The following GPC6 variants were observed in gnomAD, a reference collection of about 807,000 sequenced individuals.
The protein encoded by GPC6 is glypican 6.
A neutral mutation model predicts 55.2 loss-of-function variants in GPC6; 14 were observed. The ratio of observed to expected loss-of-function variants is 0.25; its 90% CI spans 0.17 to 0.40. GPC6 has a LOEUF of 0.40. Ranked by LOEUF, GPC6 falls within the 10% of genes least tolerant of loss-of-function variation. GPC6 has a pLI of 1.00. For synonymous variants in GPC6, 278 were observed against 259.6 expected, an observed-to-expected ratio of 1.07 and a Z score of -0.68; for missense variants, 641 against 708.5, an observed-to-expected ratio of 0.90 and a Z score of 1.08.
intron 2 of GPC6, among the ~76,000 whole-genome samples, chr13:93,730,188 A>G (rs2138835192): frequency 6.6e-6 from 1 of 152,252 alleles, no homozygotes; most frequent in Middle Eastern, 3.4e-3. Context: ...TACAGAGCTC[A>G]CATCAACTTT....
At chr13:94,372,797 C>A (rs541775195) in intron 6 of GPC6, among the ~76,000 whole-genome samples, 15 of 152,298 alleles carry the variant, frequency 9.8e-5, no homozygotes, top group African/African-American at 2.4e-4. Context: ...GTAACCTCTG[C>A]AGACTTAAAT....
At chr13:93,339,133 G>A (rs1021975014) in intron 1 of GPC6, among the ~76,000 whole-genome samples, 1 of 152,148 alleles carries the variant, frequency 6.6e-6, no homozygotes, top group East Asian at 1.9e-4. Context: ...ACCTAGCAGA[G>A]TGACTCATTA....
intron 1 of GPC6, among the ~76,000 whole-genome samples, chr13:93,354,827 T>G (rs1405889098): frequency 6.6e-6 from 1 of 152,118 alleles, no homozygotes; most frequent in Non-Finnish European, 1.5e-5. Flanking sequence ...CCACTTCAAG[T>G]GGGACAAAGA....
intron 3 of GPC6, among the ~76,000 whole-genome samples, chr13:93,891,716 G>A (rs1275920995): frequency 1.3e-5 from 2 of 151,896 alleles, no homozygotes; most frequent in African/African-American, 2.4e-5. Flanking sequence ...GTGTATGTGT[G>A]CATACAGTGT....
intron 3 of GPC6, among the ~76,000 whole-genome samples, chr13:93,972,763 C>T (rs9524294): frequency 6.6e-6 from 1 of 152,016 alleles, no homozygotes; most frequent in Non-Finnish European, 1.5e-5. Context: ...TAGGCCCCTT[C>T]ACCCCAATGA....
At chr13:94,209,848 AATTT>A (rs1001832463) in intron 4 of GPC6, among the ~76,000 whole-genome samples, 23 of 151,730 alleles carry the variant, frequency 1.5e-4, no homozygotes, top group African/African-American at 3.9e-4. Flanking sequence ...TTAATTAATT[AATTT>A]ATTTATTTAC....
intron 1 of GPC6, among the ~76,000 whole-genome samples, chr13:93,367,721 C>T (rs1881300403): frequency 6.6e-6 from 1 of 151,996 alleles, no homozygotes. Context: ...TGCTTAGTTT[C>T]CAGGTGTTGG....
chr13:93,221,054 T>C, the GPC6 span, among the ~76,000 whole-genome samples: 12 of 152,028 alleles, frequency 7.9e-5, no homozygotes, highest in African/African-American at 2.7e-4. Context: ...AGCTAATTTT[T>C]GTGTATTTTG....
Position 93,498,988 on chromosome 13 carries a change from A to G in GPC6, c.161-46275A>G, listed in dbSNP as rs969912703. 7.2e-5 allele frequency among the ~76,000 whole-genome samples: 11 copies of G among 152,118 alleles called. No individual in the cohort carries two copies. In the East Asian group the frequency reaches 1.2e-3, roughly 16 times the overall value. Reference sequence around the variant, plus strand: ...AGCCTTGTGTTTTAATTTTATTTCTATGAATTCATTTGTGTATTCATTCAG... The same window carrying G: ...AGCCTTGTGTTTTAATTTTATTTCTGTGAATTCATTTGTGTATTCATTCAG... On this transcript the variant is annotated intron_variant, in intron 1 of 8. Coordinates refer to ENST00000377047, the MANE Select transcript of GPC6 (RefSeq NM_005708.5).
intron 6 of GPC6, among the ~76,000 whole-genome samples, chr13:94,352,382 G>T (rs2139169959): frequency 6.6e-6 from 1 of 151,484 alleles, no homozygotes; most frequent in African/African-American, 2.4e-5. Context: ...CCTGCCCATT[G>T]CTGGAGGGCT....
At chr13:93,713,877 A>T (rs1175463414) in intron 2 of GPC6, among the ~76,000 whole-genome samples, 1 of 151,636 alleles carries the variant, frequency 6.6e-6, no homozygotes, top group East Asian at 1.9e-4. Context: ...AAAAGGCAGG[A>T]TCTCATGCAG....
intron 4 of GPC6, among the ~76,000 whole-genome samples, chr13:94,078,554 G>A (rs1032008279): frequency 1.3e-5 from 2 of 151,816 alleles, no homozygotes; most frequent in African/African-American, 4.8e-5. Flanking sequence ...AAAAATGAAA[G>A]AAGAGACATT....
intron 3 of GPC6, among the ~76,000 whole-genome samples, chr13:93,927,675 T>C (rs1324414157): frequency 4.5e-5 from 6 of 133,492 alleles, no homozygotes; most frequent in South Asian, 2.5e-4. Context: ...TTAGCTTCAG[T>C]TCCTTCTTTG....
intron 3 of GPC6, among the ~76,000 whole-genome samples, chr13:93,931,051 A>C (rs570010628): frequency 1.3e-5 from 2 of 152,242 alleles, no homozygotes; most frequent in East Asian, 3.9e-4. Flanking sequence ...GGCAGCACCA[A>C]AGGTATGGTG....
chr13:94,212,001 C>T (rs2138989974), intron 4 of GPC6, among the ~76,000 whole-genome samples: 1 of 152,310 alleles, frequency 6.6e-6, no homozygotes, highest in African/African-American at 2.4e-5. Flanking sequence ...TTCTCTCCTA[C>T]ACACATCTCG....
At chr13:93,577,905 G>T (rs1005457752) in intron 2 of GPC6, among the ~76,000 whole-genome samples, 15 of 152,004 alleles carry the variant, frequency 9.9e-5, no homozygotes, top group African/African-American at 3.6e-4. Flanking sequence ...TTTGTTGCGG[G>T]TTTTTATCAC....
intron 6 of GPC6, among the ~76,000 whole-genome samples, chr13:94,317,104 A>T (rs1876579457): frequency 6.6e-6 from 1 of 152,164 alleles, no homozygotes; most frequent in African/African-American, 2.4e-5. Flanking sequence ...CAGCAAACTT[A>T]TCCATGTCAG....
intron 6 of GPC6, among the ~76,000 whole-genome samples, chr13:94,357,903 T>TC (rs149125842): frequency 0.05 from 7,559 of 152,276 alleles, 606 homozygotes; most frequent in African/African-American, 0.17. Flanking sequence ...AGAACCGATG[T>TC]CTTTTCATCT....
At chr13:94,035,575 A>G (rs1883305517) in intron 4 of GPC6, among the ~76,000 whole-genome samples, 1 of 152,066 alleles carries the variant, frequency 6.6e-6, no homozygotes, top group Non-Finnish European at 1.5e-5. Flanking sequence ...GGTGACCAAT[A>G]TAATAGAATA....
Sources: gnomAD v4.1 joint callset for allele counts (sites outside exome capture counted in the v4.1 genomes callset) on GRCh38, gnomAD v4.1.1 for gene constraint, MANE v1.5 for transcripts, NCBI Gene and HGNC (gene_info 2026-07-23, HGNC 2026-07-21) for gene names.